The following ZNF236 variants were observed in gnomAD, a reference collection of about 807,000 sequenced individuals.
The protein encoded by ZNF236 is zinc finger protein 236, also known as regulated by glucose.
A neutral mutation model predicts 191.2 loss-of-function variants in ZNF236; 50 were observed. That is an observed-to-expected ratio of 0.26 (90% CI 0.21 to 0.33). The LOEUF (loss-of-function observed/expected upper bound fraction) is 0.33, where lower values mean the gene tolerates loss of function less well. Ranked by LOEUF, ZNF236 falls within the 10% of genes least tolerant of loss-of-function variation. The pLI, the probability that ZNF236 is intolerant of heterozygous loss-of-function variation, is 1.00. For synonymous variants in ZNF236, 907 were observed against 928.8 expected (o/e 0.98, Z 0.43); for missense variants, 1,754 against 2,374.5 (o/e 0.74, Z 5.43).
intron 9 of ZNF236, among the ~76,000 whole-genome samples, chr18:76,892,568 A>G (rs111720917): frequency 0.012 from 1,850 of 152,082 alleles, 27 homozygotes; most frequent in African/African-American, 0.042. Flanking sequence ...TTACTAATAT[A>G]TATATATAAA....
At chr18:76,968,144 T>C in intron 30 of ZNF236, 71 bp from the exon 31 acceptor site, 2 of 1,572,512 alleles carry the variant, frequency 1.3e-6, no homozygotes, top group East Asian at 2.2e-5. Context: ...AGAAAGTCTT[T>C]ATTTAAATAG....
chr18:76,942,813 C>T (rs1036211542), intron 26 of ZNF236, among the ~76,000 whole-genome samples: 20 of 150,368 alleles, frequency 1.3e-4, no homozygotes, highest in Non-Finnish European at 2.8e-4. Context: ...CACGCCCAGC[C>T]TAGTATTCTT....
At chr18:76,846,418 G>A (rs1975683325) in intron 1 of ZNF236, among the ~76,000 whole-genome samples, 1 of 152,222 alleles carries the variant, frequency 6.6e-6, no homozygotes, top group South Asian at 2.1e-4. Context: ...AGTGGGGGCA[G>A]TGGAGGCCAC....
chr18:76,915,662 G>C lies in ZNF236; in HGVS notation c.3077G>C (p.Ser1026Thr), dbSNP rs371101878. 1 of 1,613,862 alleles carries C rather than the reference G, an allele frequency of 6.2e-7. No homozygotes were observed. The highest frequency in any genetic ancestry group is 1.3e-5 in the African/African-American group (1 of 74,902). Residue 1026 changes from serine (S) to threonine (T), a missense_variant, in exon 19 of 31, where the codon AGC becomes ACC. Physicochemically the swap from Ser to Thr is moderately conservative, Grantham distance 58. Transcript: ENST00000320610. The part of the protein sequence containing the change: ...EKTHTGVKAF[S>T]CSVCNASFTT... ...GTGCTTGCAGGAGTGAAGGCGTTCA[G>C]CTGCAGTGTGTGCAATGCTTCCTTC...
At chr18:76,935,727 C>T (rs781056507) in intron 25 of ZNF236, among the ~76,000 whole-genome samples, 26 of 152,216 alleles carry the variant, frequency 1.7e-4, no homozygotes, top group Non-Finnish European at 3.2e-4. Flanking sequence ...AACGTACCCG[C>T]AGGCTAGTGT....
intron 25 of ZNF236, among the ~76,000 whole-genome samples, chr18:76,930,147 G>C (rs907877376): frequency 2.6e-5 from 4 of 152,108 alleles, no homozygotes; most frequent in Non-Finnish European, 5.9e-5. Context: ...ATTCATCCAC[G>C]GATCTTTTGA....
At chr18:76,835,922 T>G (rs1210131677) in intron 1 of ZNF236, among the ~76,000 whole-genome samples, 1 of 152,216 alleles carries the variant, frequency 6.6e-6, no homozygotes, top group Non-Finnish European at 1.5e-5. Context: ...ATTCTTTTTT[T>G]TTTGAGATTA....
chr18:76,896,533 C>T (rs868351200), intron 10 of ZNF236, among the ~76,000 whole-genome samples: 1 of 151,990 alleles, frequency 6.6e-6, no homozygotes, highest in Non-Finnish European at 1.5e-5. Flanking sequence ...GGACCACACA[C>T]AGTGCCAAAC....
chr18:76,928,993 G>A (rs189026333), intron 25 of ZNF236, among the ~76,000 whole-genome samples: 131 of 149,506 alleles, frequency 8.8e-4, no homozygotes, highest in Non-Finnish European at 1.1e-3. Context: ...CACGCTCCGT[G>A]GAGATCTGAT....
At chr18:76,863,634 C>T (rs1440051600) in intron 3 of ZNF236, among the ~76,000 whole-genome samples, 1 of 151,588 alleles carries the variant, frequency 6.6e-6, no homozygotes, top group Admixed American at 6.6e-5. Flanking sequence ...TGCTGTGTTG[C>T]CCAGGCTGGT....
chr18:76,871,918 G>A, intron 5 of ZNF236, 93 bp downstream of exon 5: 1 of 1,477,470 alleles, frequency 6.8e-7, no homozygotes, highest in South Asian at 1.2e-5. Flanking sequence ...TCTGATCCCA[G>A]CTTTCTCATA....
At chr18:76,964,131 C>T (rs1272593737) in intron 30 of ZNF236, among the ~76,000 whole-genome samples, 2 of 152,162 alleles carry the variant, frequency 1.3e-5, no homozygotes, top group African/African-American at 4.8e-5. Context: ...TCTTGTTTCT[C>T]TAGTTCCTTG....
intron 21 of ZNF236, among the ~76,000 whole-genome samples, chr18:76,923,816 A>AT (rs1344251444): frequency 2.1e-4 from 32 of 152,320 alleles, no homozygotes; most frequent in African/African-American, 5.8e-4. Flanking sequence ...CGTCTTTGGG[A>AT]GTTCAGACAT....
At chr18:76,896,157 C>T (rs1042208654) in intron 10 of ZNF236, among the ~76,000 whole-genome samples, 2 of 151,972 alleles carry the variant, frequency 1.3e-5, no homozygotes, top group Non-Finnish European at 2.9e-5. Context: ...CCCACACAGG[C>T]ATTGCCCACA....
chr18:76,866,203 A>G (rs1448489863), intron 3 of ZNF236, among the ~76,000 whole-genome samples: 2 of 152,220 alleles, frequency 1.3e-5, no homozygotes, highest in African/African-American at 4.8e-5. Context: ...CAACTTTCCC[A>G]CGGAAGACAT....
At chr18:76,881,235 G>T in intron 8 of ZNF236, 49 bp from the exon 9 acceptor site, 1 of 1,525,846 alleles carries the variant, frequency 6.6e-7, no homozygotes, top group Non-Finnish European at 9.0e-7. Flanking sequence ...TTGGTAGGCA[G>T]AGTTGGGCCA....
intron 1 of ZNF236, among the ~76,000 whole-genome samples, chr18:76,846,557 T>C (rs1318363432): frequency 6.6e-6 from 1 of 152,210 alleles, no homozygotes; most frequent in Admixed American, 6.5e-5. Context: ...AAAATTATGC[T>C]CAGTGTGGAA....
chr18:76,941,216 G>A lies in ZNF236; in HGVS notation c.4782+3873G>A, dbSNP rs116928507. Among the ~76,000 whole-genome samples the A allele has an allele frequency of 9.8e-3, 1,489 of 152,338 alleles. 12 individuals are homozygous for A. The highest frequency in any genetic ancestry group is 0.015 in the Non-Finnish European group (1,004 of 68,024). ...CAGGTTCTTGAGGAAGGGCTGTAGAGTGAAGCTTTGGTGGCAGTGATGACC... is the reference window on the plus strand; with the variant it reads ...CAGGTTCTTGAGGAAGGGCTGTAGAATGAAGCTTTGGTGGCAGTGATGACC... On this transcript the variant is annotated intron_variant, in intron 26 of 30. Coordinates refer to ENST00000320610, the MANE Select transcript of ZNF236 (RefSeq NM_001306089.2).
In ZNF236 at chr18:76,927,629, GA is replaced by G; in HGVS notation, c.4414+113del. On this transcript the variant is annotated intron_variant, in intron 24 of 30. Transcript: ENST00000320610. The surrounding 1 kb of genome is among the most constrained non-coding windows in gnomAD (Gnocchi z 5.4). ...ATGTCATTTTCTTCTCTTTGTAGAA[GA>G]GAATAAATCAAATGTCCTGAGAATA... The G allele has an allele frequency of 1.5e-6, 2 of 1,371,926 alleles. No individual in the cohort carries two copies. The highest frequency in any genetic ancestry group is 4.8e-5 in the East Asian group (2 of 41,856). The allele number at this position is 1,371,926 out of a possible 1,614,324, so 85.0% of individuals were successfully genotyped here. A position where few individuals can be genotyped will look rare whatever the true frequency, so the allele number is the denominator to read the frequency against.
Sources: gnomAD v4.1 joint callset for allele counts (sites outside exome capture counted in the v4.1 genomes callset) on GRCh38, gnomAD v4.1.1 for gene constraint, Gnocchi (gnomAD v3.1) non-coding constraint, MANE v1.5 for transcripts, NCBI Gene and HGNC (gene_info 2026-07-23, HGNC 2026-07-21) for gene names.